The following FAM227B variants were observed in gnomAD, a reference collection of about 807,000 sequenced individuals.
FAM227B encodes family with sequence similarity 227 member B.
Under a neutral mutation model 73.8 loss-of-function variants are expected in FAM227B, and 88 were observed. That is an observed-to-expected ratio of 1.19 (90% CI 1.00 to 1.42). The LOEUF (loss-of-function observed/expected upper bound fraction) is 1.42, where lower values mean the gene tolerates loss of function less well. Ranked by LOEUF, FAM227B falls within the 40% of genes most tolerant of loss-of-function variation. The pLI, the probability that FAM227B is intolerant of heterozygous loss-of-function variation, is 0.00. For missense variants in FAM227B, 632 were observed against 590.9 expected (o/e 1.07, Z -0.72); for synonymous variants, 210 against 190.5 (o/e 1.10, Z -0.84).
intron 13 of FAM227B, among the ~76,000 whole-genome samples, chr15:49,348,019 C>CA (rs67614443): frequency 0.22 from 15,295 of 69,222 alleles, 1,334 homozygotes; most frequent in Middle Eastern, 0.25. Context: ...AACTCTGTCT[C>CA]AAAAAAAAAA....
intron 11 of FAM227B, among the ~76,000 whole-genome samples, chr15:49,386,401 T>C (rs1411771245): frequency 2.0e-5 from 3 of 151,406 alleles, no homozygotes; most frequent in East Asian, 1.9e-4. Context: ...TTCTGACTGA[T>C]ATCTGGGTTA....
At chr15:49,348,019 CA>C (rs67614443) in intron 13 of FAM227B, among the ~76,000 whole-genome samples, 23,116 of 70,626 alleles carry the variant, frequency 0.33, 1,194 homozygotes, top group African/African-American at 0.39. Context: ...AACTCTGTCT[CA>C]AAAAAAAAAA....
At chr15:49,370,761 T>C (rs1478359679) in intron 12 of FAM227B, among the ~76,000 whole-genome samples, 1 of 152,172 alleles carries the variant, frequency 6.6e-6, no homozygotes, top group Admixed American at 6.5e-5. Flanking sequence ...TTCAGGTCAA[T>C]AATCTCATCA....
At chr15:49,558,928 C>A (rs1299153051) in intron 9 of FAM227B, among the ~76,000 whole-genome samples, 1 of 151,970 alleles carries the variant, frequency 6.6e-6, no homozygotes, top group Non-Finnish European at 1.5e-5. Context: ...AGGTGGAGAC[C>A]CCCCGCCCAC....
intron 11 of FAM227B, among the ~76,000 whole-genome samples, chr15:49,389,974 T>C (rs1488325132): frequency 1.3e-5 from 2 of 152,070 alleles, no homozygotes; most frequent in Non-Finnish European, 2.9e-5. Flanking sequence ...CTTTACGCAG[T>C]GCTTCTCTAT....
At chr15:49,605,604 G>A (rs956140445) in intron 3 of FAM227B, among the ~76,000 whole-genome samples, 1 of 151,858 alleles carries the variant, frequency 6.6e-6, no homozygotes, top group Admixed American at 6.6e-5. Context: ...CTAGGTCTCA[G>A]GAGCAGTCCT....
intron 11 of FAM227B, among the ~76,000 whole-genome samples, chr15:49,478,988 C>A (rs909346315): frequency 6.6e-6 from 1 of 152,062 alleles, no homozygotes; most frequent in Non-Finnish European, 1.5e-5. Context: ...CAATTTAGAT[C>A]AAAGTTTCCC....
At chr15:49,380,479 T>TA (rs1435038458) in intron 11 of FAM227B, among the ~76,000 whole-genome samples, 1 of 152,130 alleles carries the variant, frequency 6.6e-6, no homozygotes, top group Non-Finnish European at 1.5e-5. Context: ...ATATATTTAA[T>TA]AAAATGTAAT....
chr15:49,359,837 C>G (rs1453873195), intron 13 of FAM227B, among the ~76,000 whole-genome samples: 20 of 138,800 alleles, frequency 1.4e-4, no homozygotes, highest in African/African-American at 4.1e-4. Flanking sequence ...TTGGAACCAA[C>G]CCAAATGTCC....
chr15:49,499,034 C>T (rs933367921), intron 11 of FAM227B, among the ~76,000 whole-genome samples: 1 of 149,660 alleles, frequency 6.7e-6, no homozygotes, highest in Admixed American at 6.6e-5. Flanking sequence ...GGCGTAGTGG[C>T]GGGCGCCTGT....
intron 13 of FAM227B, among the ~76,000 whole-genome samples, chr15:49,345,200 A>G (rs2151258205): frequency 6.6e-6 from 1 of 152,302 alleles, no homozygotes; most frequent in East Asian, 1.9e-4. Flanking sequence ...ATTATATACT[A>G]TTGGTATTGA....
At chr15:49,377,007 C>T (rs1205345862) in intron 11 of FAM227B, among the ~76,000 whole-genome samples, 1 of 151,890 alleles carries the variant, frequency 6.6e-6, no homozygotes, top group Non-Finnish European at 1.5e-5. Context: ...CTCCATTAAT[C>T]ATCCCAACTT....
chr15:49,619,390 G>C (rs2078512175), intron 1 of FAM227B, among the ~76,000 whole-genome samples: 1 of 152,182 alleles, frequency 6.6e-6, no homozygotes, highest in Non-Finnish European at 1.5e-5. Flanking sequence ...GGTCAGAAAA[G>C]GTCAGGCAAT....
chr15:49,352,434 A>T (rs1392175291), intron 13 of FAM227B, among the ~76,000 whole-genome samples: 1 of 152,216 alleles, frequency 6.6e-6, no homozygotes, highest in East Asian at 1.9e-4. Flanking sequence ...ACTTATGTTA[A>T]GTAAGTCCAC....
At position 49,547,048 on chromosome 15, in the gene FAM227B, A is replaced by T. The variant is rs183478153; in HGVS notation, c.748-5242T>A. On this transcript the variant is annotated intron_variant, in intron 9 of 15. Coordinates refer to ENST00000299338, the MANE Select transcript of FAM227B (RefSeq NM_152647.3). ...GCCAGAGAGAAAGGTCGGGTTACCC[A>T]CAAAGGGAAGCCCATCAGACTAACA... Among the ~76,000 whole-genome samples, 156 of 152,322 alleles carry T rather than the reference A, an allele frequency of 1.0e-3. 1 individual carries two copies. Among genetic ancestry groups the T allele is most frequent in the African/African-American group, 3.5e-3 (145 of 41,576 alleles).
chr15:49,460,608 G>C (rs1334185084), intron 11 of FAM227B, among the ~76,000 whole-genome samples: 1 of 152,076 alleles, frequency 6.6e-6, no homozygotes, highest in Non-Finnish European at 1.5e-5. Flanking sequence ...AAATGTTCTA[G>C]CAACAGCCAA....
chr15:49,417,228 C>T (rs570517748), intron 11 of FAM227B, among the ~76,000 whole-genome samples: 1 of 151,900 alleles, frequency 6.6e-6, no homozygotes, highest in African/African-American at 2.4e-5. Context: ...CCTGTCTTTG[C>T]AAAAAATACA....
intron 13 of FAM227B, among the ~76,000 whole-genome samples, chr15:49,340,910 A>G (rs1862145608): frequency 6.6e-6 from 1 of 152,152 alleles, no homozygotes; most frequent in Non-Finnish European, 1.5e-5. Flanking sequence ...TTACATTTAA[A>G]TATTTAATCC....
chr15:49,604,041 A>G lies in FAM227B; in HGVS notation c.105+7174T>C, dbSNP rs535605945. 3.9e-5 allele frequency among the ~76,000 whole-genome samples: 6 copies of G among 152,194 alleles called. 1 individual carries two copies. Among genetic ancestry groups the G allele is most frequent in the Admixed American group, 3.9e-4 (6 of 15,290 alleles). On this transcript the variant is annotated intron_variant, in intron 3 of 15. Transcript: ENST00000299338. ...GAATGATACTTTTAATGTTTTGTTG[A>G]ATTCAGTTTGATGTATAGTTATTTT...
Sources: allele counts gnomAD v4.1 joint callset (sites outside exome capture counted in the v4.1 genomes callset), GRCh38; gene constraint gnomAD v4.1.1; transcripts MANE v1.5; gene names NCBI Gene and HGNC (gene_info 2026-07-23, HGNC 2026-07-21).